The following SETD1A variants were observed in gnomAD, a reference collection of about 807,000 sequenced individuals.
SETD1A encodes histone-lysine N-methyltransferase SETD1A.
SETD1A carries 29 observed loss-of-function variants against 149.9 expected under a neutral mutation model. That is an observed-to-expected ratio of 0.19 (90% CI 0.14 to 0.26). The LOEUF is 0.26. Among genes scored for constraint, SETD1A ranks in the 10% least tolerant of loss-of-function variants. SETD1A has a pLI of 1.00. For missense variants in SETD1A, 2,109 were observed against 2,353.1 expected (o/e 0.90, Z 2.15); for synonymous variants, 1,141 against 968.5 (o/e 1.18, Z -3.31).
intron 16 of SETD1A, 56 bp from the exon 17 acceptor site, chr16:30,981,001 AGAGT>A (rs1215708314): frequency 6.2e-7 from 1 of 1,604,912 alleles, no homozygotes; most frequent in Non-Finnish European, 8.5e-7. Context: ...GTCTGTGGGA[AGAGT>A]GAGGGTCTGG....
intron 1 of SETD1A, chr16:30,958,391 A>C (rs1379988623): frequency 6.0e-5 from 4 of 66,904 alleles, no homozygotes; most frequent in Non-Finnish European, 4.9e-5. Context: ...GCCGGTGAGG[A>C]GGCGGGAGGG....
In SETD1A at chr16:30,978,909, G is replaced by T. The variant is rs1244099413; in HGVS notation, c.3359-236G>T. Among the ~76,000 whole-genome samples the T allele has an allele frequency of 2.0e-5, 3 of 152,216 alleles. No homozygotes were observed. In the East Asian group the frequency reaches 5.8e-4, roughly 29 times the overall value. ...CCGGGAGGACATGGAAGGTGTGTGT[G>T]TGGACTCCGAGTGTCCCACACACGT... On this transcript the variant is annotated intron_variant, in intron 13 of 18. Transcript: ENST00000262519.
rs1256782103 is a variant in SETD1A, at chr16:30,980,417, C to G, written c.4409-68C>G. 2 of 1,551,902 alleles carry G rather than the reference C, an allele frequency of 1.3e-6. No individual in the cohort carries two copies. Among genetic ancestry groups the G allele is most frequent in the Non-Finnish European group, 1.7e-6 (2 of 1,145,116 alleles). ...CTGGGTATGCTCAGCGGCGTGGGCC[C>G]CGCCCTCTCCTTTGGCTGGGACGCA... On this transcript the variant is annotated intron_variant, in intron 14 of 18. Coordinates refer to ENST00000262519, the MANE Select transcript of SETD1A (RefSeq NM_014712.3). This position sits in a 1 kb window ranked among gnomAD's most constrained non-coding sequence, Gnocchi z 7.7.
intron 3 of SETD1A, among the ~76,000 whole-genome samples, chr16:30,960,730 C>CTTTCTTT (rs1555488856): frequency 1.2e-5 from 1 of 80,554 alleles, no homozygotes; most frequent in African/African-American, 4.4e-5. Context: ...TTCTTTCTTT[C>CTTTCTTT]TTTTTTTTTT....
chr16:30,968,853 C>G (rs968836700), intron 10 of SETD1A, among the ~76,000 whole-genome samples: 2 of 151,768 alleles, frequency 1.3e-5, no homozygotes, highest in Non-Finnish European at 2.9e-5. Context: ...GCCTATAATC[C>G]CAGCACTCCA....
Position 30,967,605 on chromosome 16 carries a change from A to G in SETD1A, c.2770+17A>G. 1 of 1,609,946 alleles carries G rather than the reference A, an allele frequency of 6.2e-7. No individual in the cohort carries two copies. Among genetic ancestry groups the G allele is most frequent in the Non-Finnish European group, 8.5e-7 (1 of 1,176,348 alleles). On this transcript the variant is annotated intron_variant, in intron 10 of 18. Coordinates refer to ENST00000262519, the MANE Select transcript of SETD1A (RefSeq NM_014712.3). ...ATGAAGACGGTGAGCAGGGTCAGGC[A>G]TAAGGAGAAGGGGTGTGCTGCGTGG...
Position 30,959,200 on chromosome 16 carries a change from G to A in SETD1A, c.246+14G>A, listed in dbSNP as rs779366866. 50 of 1,541,426 alleles carry A rather than the reference G, an allele frequency of 3.2e-5. No homozygotes were observed. In the Middle Eastern group the frequency reaches 5.0e-4, roughly 16 times the overall value. On this transcript the variant is annotated intron_variant, in intron 3 of 18. Coordinates refer to ENST00000262519, the MANE Select transcript of SETD1A (RefSeq NM_014712.3). Reference sequence around the variant, plus strand: ...CCTAAGTTTAAGGTAAGTGTCTGCTGGGCTCCTGGTGTGGTAGTCCTAAGA... The same window carrying A: ...CCTAAGTTTAAGGTAAGTGTCTGCTAGGCTCCTGGTGTGGTAGTCCTAAGA...
chr16:30,979,701 C>A lies in SETD1A; in HGVS notation c.3915C>A (p.Ala1305=). Residue 1305 remains alanine (A), a synonymous_variant, in exon 14 of 19, where the codon GCC becomes GCA. Transcript: ENST00000262519. ...HILLEHNYAL[A]VKPTPPAPAL... ...TCCTGGAGCACAACTATGCCCTGGC[C>A]GTCAAGCCCACGCCCCCTGCGCCAG... 6.2e-7 allele frequency: 1 copy of A among 1,604,304 alleles called. No individual in the cohort carries two copies. The highest frequency in any genetic ancestry group is 8.5e-7 in the Non-Finnish European group (1 of 1,179,198).
rs2056114042 is a variant in SETD1A, at chr16:30,964,832, G to T, written c.1090G>T (p.Ala364Ser). 6.2e-7 allele frequency: 1 copy of T among 1,614,024 alleles called. No individual in the cohort carries two copies. Among genetic ancestry groups the T allele is most frequent in the Admixed American group, 1.7e-5 (1 of 60,004 alleles). ...SSSSQFRSSD[A>S]NYPAYYESWN... ...GTCCTCTCAGTTTCGTAGTTCTGATGCAAACTACCCAGCGTATTATGAAAG... is the reference window on the plus strand; with the variant it reads ...GTCCTCTCAGTTTCGTAGTTCTGATTCAAACTACCCAGCGTATTATGAAAG... The change falls in exon 7 of 19, where the codon GCA (alanine) becomes TCA (serine). Residue 364 changes from alanine to serine, a missense_variant. Physicochemically the swap from Ala to Ser is moderately conservative, Grantham distance 99. This residue lies in a region of SETD1A where 410 missense variants were observed against 394.8 expected (regional missense o/e 1.04). Coordinates refer to ENST00000262519, the MANE Select transcript of SETD1A (RefSeq NM_014712.3).
intron 10 of SETD1A, among the ~76,000 whole-genome samples, chr16:30,968,505 T>A (rs2056181877): frequency 6.6e-6 from 1 of 150,870 alleles, no homozygotes; most frequent in Non-Finnish European, 1.5e-5. Context: ...CACATATGCG[T>A]ATCTGTATAT....
chr16:30,969,485 C>G, intron 11 of SETD1A, 23 bp downstream of exon 11: 1 of 1,600,024 alleles, frequency 6.2e-7, no homozygotes. Flanking sequence ...GCGCCGGCTC[C>G]TGGCCGAAGC....
Position 30,964,223 on chromosome 16 carries a change from C to A in SETD1A, c.769C>A (p.Pro257Thr). 6.2e-7 allele frequency: 1 copy of A among 1,614,130 alleles called. No individual in the cohort carries two copies. Among genetic ancestry groups the A allele is most frequent in the Non-Finnish European group, 8.5e-7 (1 of 1,179,998 alleles). ...CTTCTCCAGCAGCCGACAAGATACC[C>A]CATCTTCCTTTGGCCAGTTCACACC... ...TSFSSSRQDT[P>T]SSFGQFTPQS... Residue 257 changes from proline to threonine, a missense_variant, in exon 6 of 19, where the codon CCA becomes ACA. By Grantham distance (38) the Pro-to-Thr change is conservative. Transcript: ENST00000262519.
chr16:30,973,783 A>C (rs774032704), intron 13 of SETD1A, among the ~76,000 whole-genome samples: 15 of 152,216 alleles, frequency 9.9e-5, no homozygotes, highest in Non-Finnish European at 2.1e-4. Flanking sequence ...CACTCTACTA[A>C]GCTCCAGACC....
intron 10 of SETD1A, among the ~76,000 whole-genome samples, chr16:30,968,510 G>A (rs947604492): frequency 2.0e-5 from 3 of 150,618 alleles, no homozygotes; most frequent in Non-Finnish European, 3.0e-5. Flanking sequence ...ATGCGTATCT[G>A]TATATATTAA....
In SETD1A at chr16:30,979,702, G is replaced by A. The variant is rs767236633; in HGVS notation, c.3916G>A (p.Val1306Ile). 95 of 1,603,698 alleles carry A rather than the reference G, an allele frequency of 5.9e-5. No homozygotes were observed. Among genetic ancestry groups the A allele is most frequent in the South Asian group, 5.8e-4 (53 of 90,998 alleles). ...ILLEHNYALA[V>I]KPTPPAPALR... ...CCTGGAGCACAACTATGCCCTGGCC[G>A]TCAAGCCCACGCCCCCTGCGCCAGC... Residue 1306 changes from valine to isoleucine, a missense_variant, in exon 14 of 19, where the codon GTC (valine) becomes ATC (isoleucine). Around this residue, in one of 8 missense-constraint regions of SETD1A, gnomAD observed 832 missense variants for 815.6 expected, o/e 1.02. Transcript: ENST00000262519.
intron 12 of SETD1A, among the ~76,000 whole-genome samples, chr16:30,971,132 T>C (rs1240903404): frequency 6.6e-6 from 1 of 152,218 alleles, no homozygotes; most frequent in Non-Finnish European, 1.5e-5. Flanking sequence ...GAGTTCAGCT[T>C]GTCCCCTGGG....
intron 13 of SETD1A, among the ~76,000 whole-genome samples, chr16:30,978,071 CG>C (rs1462404201): frequency 1.0e-3 from 152 of 151,946 alleles, no homozygotes; most frequent in Admixed American, 2.0e-3. Context: ...GTCAAGAGAT[CG>C]AGACCATCCT....
At chr16:30,964,000 AAAAAG>A in intron 5 of SETD1A, 89 bp from the exon 6 acceptor site, 1 of 1,059,894 alleles carries the variant, frequency 9.4e-7, no homozygotes, top group Non-Finnish European at 1.4e-6. Context: ...TCAAAAAAAA[AAAAAG>A]GGAACTAGGA....
rs765975950 is a variant in SETD1A at position 30,966,996 on chromosome 16, C to T, written c.2618C>T (p.Thr873Met). Residue 873 changes from threonine to methionine, a missense_variant, in exon 9 of 19, where the codon ACG becomes ATG. By Grantham distance (81) the Thr-to-Met change is moderately conservative (BLOSUM62 -1). Transcript: ENST00000262519. ...LVDWAKSGGT[T>M]GIEAFAFGSG... is the part of the protein sequence containing the mutation. ...GACTGGGCCAAGAGCGGGGGCACTA[C>T]GGGCATCGAGGCTTTCGCCTTTGGG... 1.7e-5 allele frequency: 27 copies of T among 1,596,828 alleles called. No individual in the cohort carries two copies. The highest frequency in any genetic ancestry group is 2.3e-5 in the East Asian group (1 of 44,256).
Sources: gnomAD v4.1 joint callset for allele counts (sites outside exome capture counted in the v4.1 genomes callset) on GRCh38, gnomAD v4.1.1 for gene constraint, gnomAD v4.1.1 regional missense constraint, Gnocchi (gnomAD v3.1) non-coding constraint, MANE v1.5 for transcripts, NCBI Gene and HGNC (gene_info 2026-07-23, HGNC 2026-07-21) for gene names.